Variants in NSUN3 observed in about 807,000 individuals in gnomAD.
The protein encoded by NSUN3 is tRNA (cytosine(34)-C(5))-methyltransferase, mitochondrial.
In NSUN3, 24 loss-of-function variants were observed where a neutral mutation model predicts 36.8. The ratio of observed to expected loss-of-function variants is 0.65; its 90% CI spans 0.47 to 0.92. The LOEUF (loss-of-function observed/expected upper bound fraction) is 0.92, where lower values mean the gene tolerates loss of function less well. Among genes scored for constraint, NSUN3 ranks in the 40% least tolerant of loss-of-function variants. The pLI is 0.00. For missense variants in NSUN3, 381 were observed against 392.8 expected, an observed-to-expected ratio of 0.97 and a Z score of 0.25; for synonymous variants, 146 against 145.2, an observed-to-expected ratio of 1.01 and a Z score of -0.04.
At chr3:94,100,598 T>C (rs185668237) in intron 5 of NSUN3, among the ~76,000 whole-genome samples, 20 of 152,228 alleles carry the variant, frequency 1.3e-4, no homozygotes, top group Admixed American at 2.6e-4. Context: ...TATTTCAAAA[T>C]TGCTAAAAGA....
intron 2 of NSUN3, among the ~76,000 whole-genome samples, chr3:94,069,985 GT>G (rs1454552996): frequency 6.6e-6 from 1 of 151,816 alleles, no homozygotes; most frequent in Non-Finnish European, 1.5e-5. Context: ...TTTTTGGTCA[GT>G]TTTAATATTT....
intron 5 of NSUN3, among the ~76,000 whole-genome samples, chr3:94,103,408 T>G (rs907490515): frequency 6.6e-6 from 1 of 151,830 alleles, no homozygotes; most frequent in Non-Finnish European, 1.5e-5. Context: ...ATATTTAAAC[T>G]AAAGAGATTT....
chr3:94,089,488 T>C (rs1291892689), intron 3 of NSUN3, among the ~76,000 whole-genome samples: 1 of 152,226 alleles, frequency 6.6e-6, no homozygotes, highest in Non-Finnish European at 1.5e-5. Flanking sequence ...AGCTCAAGCA[T>C]GTGCATAAAG....
chr3:94,085,082 A>ATTTTTTTTTTT (rs1408401046), intron 3 of NSUN3: 3 of 152,284 alleles, frequency 2.0e-5, no homozygotes, highest in African/African-American at 7.2e-5. Flanking sequence ...GTTACATCAC[A>ATTTTTTTTTTT]TTTCAGTTGA....
At chr3:94,114,084 A>G (rs767597161) in intron 5 of NSUN3, among the ~76,000 whole-genome samples, 5 of 152,128 alleles carry the variant, frequency 3.3e-5, no homozygotes, top group Non-Finnish European at 7.3e-5. Context: ...TATTAATTCT[A>G]CTTTCTTTAT....
intron 5 of NSUN3, among the ~76,000 whole-genome samples, chr3:94,112,958 G>A (rs765230529): frequency 3.4e-4 from 52 of 152,000 alleles, no homozygotes; most frequent in Non-Finnish European, 6.6e-4. Context: ...TCTGCCTCCC[G>A]GGTTCATGCC....
chr3:94,081,313 T>C (rs963886707), intron 2 of NSUN3, among the ~76,000 whole-genome samples: 1 of 152,178 alleles, frequency 6.6e-6, no homozygotes, highest in African/African-American at 2.4e-5. Context: ...ACCTTCTGCG[T>C]TGATCTTGCT....
At chr3:94,124,999 C>T (rs2107276002) in intron 5 of NSUN3, among the ~76,000 whole-genome samples, 1 of 152,222 alleles carries the variant, frequency 6.6e-6, no homozygotes, top group South Asian at 2.1e-4. Context: ...TACTGTTGTA[C>T]TTTTTGTGGA....
At chr3:94,122,471 A>G (rs2077467712) in intron 5 of NSUN3, among the ~76,000 whole-genome samples, 1 of 152,136 alleles carries the variant, frequency 6.6e-6, no homozygotes, top group Admixed American at 6.5e-5. Flanking sequence ...CTACTGCCCT[A>G]TCCCAAGGAT....
At chr3:94,075,842 T>C (rs2077243550) in intron 2 of NSUN3, 3 of 1,025,802 alleles carry the variant, frequency 2.9e-6, no homozygotes, top group African/African-American at 1.6e-5. Context: ...ATAACCAGTG[T>C]TAAATCACTC....
intron 3 of NSUN3, among the ~76,000 whole-genome samples, chr3:94,086,282 T>G (rs1043963654): frequency 6.6e-6 from 1 of 152,156 alleles, no homozygotes; most frequent in Admixed American, 6.5e-5. Flanking sequence ...CTGCCCTTGT[T>G]TGATGTTCTG....
intron 2 of NSUN3, among the ~76,000 whole-genome samples, chr3:94,067,910 A>C (rs1202984702): frequency 1.3e-5 from 2 of 152,082 alleles, no homozygotes; most frequent in African/African-American, 4.8e-5. Flanking sequence ...TCACACCTTG[A>C]GTACAAACCT....
Position 94,130,177 on chromosome 3 carries a change from A to G in NSUN3, c.*3687A>G, listed in dbSNP as rs1270460744. The stretch of plus-strand genomic sequence containing the variant: ...TTGCCAAGGCTACACTGGTAAGTAA[A>G]GGGTTCAGCCAATGTATAGACAGAC... On this transcript the variant is annotated 3_prime_UTR_variant, in exon 6 of 6. Transcript: ENST00000314622. Among the ~76,000 whole-genome samples, 1 of 152,192 alleles carries G rather than the reference A, an allele frequency of 6.6e-6. No individual in the cohort carries two copies. Among genetic ancestry groups the G allele is most frequent in the Non-Finnish European group, 1.5e-5 (1 of 68,040 alleles).
At chr3:94,067,302 G>A (rs2077208055) in intron 2 of NSUN3, among the ~76,000 whole-genome samples, 1 of 152,158 alleles carries the variant, frequency 6.6e-6, no homozygotes, top group African/African-American at 2.4e-5. Flanking sequence ...GAATTGTTGT[G>A]AATTCTGCAC....
At chr3:94,076,881 A>G in intron 2 of NSUN3, 1 of 1,480,584 alleles carries the variant, frequency 6.8e-7, no homozygotes, top group Non-Finnish European at 9.4e-7. Flanking sequence ...TCACTGTCGT[A>G]GTGTGATGCA....
At chr3:94,114,197 C>G (rs766321480) in intron 5 of NSUN3, among the ~76,000 whole-genome samples, 2 of 152,110 alleles carry the variant, frequency 1.3e-5, no homozygotes, top group Non-Finnish European at 2.9e-5. Context: ...TGTCTCATTG[C>G]CTCAAATTCC....
rs961087253 is a variant in NSUN3, at chr3:94,126,151, C to T, written c.744-60C>T. ...TAAGTACGTAATCTTTGCTGTCAGA[C>T]CCCCTGGTTTCTTTTTAATATACTT... On this transcript the variant is annotated intron_variant, in intron 5 of 5. Coordinates refer to ENST00000314622, the MANE Select transcript of NSUN3 (RefSeq NM_022072.5). The T allele has an allele frequency of 2.8e-6, 4 of 1,419,116 alleles. No homozygotes were observed. The African/African-American group carries it at 5.8e-5, about 20-fold the overall frequency. The allele number at this position is 1,419,116 out of a possible 1,614,324, so 87.9% of individuals were successfully genotyped here. A position where few individuals can be genotyped will look rare whatever the true frequency, so the allele number is the denominator to read the frequency against.
At chr3:94,082,987 T>G (rs1216206040) in intron 2 of NSUN3, among the ~76,000 whole-genome samples, 2 of 152,194 alleles carry the variant, frequency 1.3e-5, no homozygotes, top group African/African-American at 4.8e-5. Context: ...ATAATACTTT[T>G]CCCTCTAATA....
At chr3:94,087,740 G>A (rs2077297619) in intron 3 of NSUN3, among the ~76,000 whole-genome samples, 1 of 152,158 alleles carries the variant, frequency 6.6e-6, no homozygotes, top group Non-Finnish European at 1.5e-5. Flanking sequence ...GTGCGATCTT[G>A]GCTCACTGCA....
Sources: allele counts gnomAD v4.1 joint callset (sites outside exome capture counted in the v4.1 genomes callset), GRCh38; gene constraint gnomAD v4.1.1; transcripts MANE v1.5; gene names NCBI Gene and HGNC (gene_info 2026-07-23, HGNC 2026-07-21).